Variants in H2AC25 observed in about 807,000 individuals in gnomAD.
The protein encoded by H2AC25 is H2A clustered histone 25.
chr1:228,457,431 G>T, the H2AC25 span: 6 of 1,613,912 alleles, frequency 3.7e-6, no homozygotes, highest in Non-Finnish European at 5.1e-6. Flanking sequence ...GGCCTCACTT[G>T]CCCTTGGCCT....
the H2AC25 span, chr1:228,457,830 G>A: frequency 7.0e-6 from 11 of 1,581,496 alleles, no homozygotes; most frequent in Admixed American, 3.9e-5. Flanking sequence ...CCGAGTCAAG[G>A]AAAAAAGACA....
the H2AC25 span, chr1:228,457,436 T>C: frequency 1.2e-6 from 2 of 1,614,056 alleles, no homozygotes; most frequent in Non-Finnish European, 1.7e-6. Flanking sequence ...CACTTGCCCT[T>C]GGCCTTGTGG....
chr1:228,457,653 C>T, the H2AC25 span: 169 of 1,613,836 alleles, frequency 1.0e-4, 1 homozygote, highest in East Asian at 1.7e-3. Flanking sequence ...AGTACTCGAG[C>T]ACCGCGGCCA....
the H2AC25 span, chr1:228,457,536 G>A: frequency 5.0e-6 from 8 of 1,614,108 alleles, no homozygotes; most frequent in Non-Finnish European, 6.8e-6. Flanking sequence ...GCAGCTTGTT[G>A]AGCTCCTCGT....
At chr1:228,457,614 G>A in the H2AC25 span, 3 of 1,613,928 alleles carry the variant, frequency 1.9e-6, no homozygotes, top group Non-Finnish European at 1.7e-6. Flanking sequence ...GCGCCGCGTT[G>A]CCGGCAAGCT....
the H2AC25 span, chr1:228,457,383 C>T: frequency 6.2e-7 from 1 of 1,610,906 alleles, no homozygotes; most frequent in African/African-American, 1.3e-5. Context: ...CTGAAAAGAG[C>T]CTTTATGTCC....
the H2AC25 span, chr1:228,457,812 G>A: frequency 3.6e-5 from 57 of 1,593,188 alleles, no homozygotes; most frequent in Middle Eastern, 1.7e-4. Flanking sequence ...TACCACGACC[G>A]GACATTTCCG....
At chr1:228,457,494 G>C in the H2AC25 span, 1 of 1,614,014 alleles carries the variant, frequency 6.2e-7, no homozygotes, top group Non-Finnish European at 8.5e-7. Flanking sequence ...TGTTGGGCAG[G>C]ACGCCACCCT....
chr1:228,457,812 G>T, the H2AC25 span: 1 of 1,593,310 alleles, frequency 6.3e-7, no homozygotes, highest in Admixed American at 1.8e-5. Flanking sequence ...TACCACGACC[G>T]GACATTTCCG....
At chr1:228,457,370 G>T in the H2AC25 span, 1 of 1,598,722 alleles carries the variant, frequency 6.3e-7, no homozygotes, top group Admixed American at 1.8e-5. Flanking sequence ...ATAGTAGGTG[G>T]CTCTGAAAAG....
the H2AC25 span, chr1:228,457,858 A>G: frequency 6.4e-7 from 1 of 1,570,446 alleles, no homozygotes; most frequent in Non-Finnish European, 8.6e-7. Context: ...CCGAAAAGCG[A>G]GACTAAAAAC....
chr1:228,457,421 G>C, the H2AC25 span: 1 of 1,613,786 alleles, frequency 6.2e-7, no homozygotes, highest in South Asian at 1.1e-5. Flanking sequence ...GGCGGCGGGC[G>C]GCCTCACTTG....
the H2AC25 span, chr1:228,457,593 CTTG>C: frequency 6.2e-6 from 10 of 1,613,934 alleles, no homozygotes; most frequent in Non-Finnish European, 6.8e-6. Flanking sequence ...TGCGCGTCTT[CTTG>C]TTGTCGCGCG....
the H2AC25 span, chr1:228,457,727 C>A: frequency 6.2e-7 from 1 of 1,612,806 alleles, no homozygotes; most frequent in Non-Finnish European, 8.5e-7. Context: ...AACCGGTGCA[C>A]GCGGCCCACG....
chr1:228,457,867 A>G, the H2AC25 span: 3 of 1,562,858 alleles, frequency 1.9e-6, no homozygotes, highest in South Asian at 1.2e-5. Flanking sequence ...GAGACTAAAA[A>G]CAAGAGGGCA....
At chr1:228,457,364 T>A in the H2AC25 span, 1 of 1,591,168 alleles carries the variant, frequency 6.3e-7, no homozygotes. Flanking sequence ...CTCGAGATAG[T>A]AGGTGGCTCT....
chr1:228,457,659 G>A, the H2AC25 span: 12 of 1,613,808 alleles, frequency 7.4e-6, no homozygotes, highest in Middle Eastern at 6.6e-4. Context: ...CGAGCACCGC[G>A]GCCAGATAGA....
At chr1:228,457,369 G>A in the H2AC25 span, 9 of 1,596,556 alleles carry the variant, frequency 5.6e-6, no homozygotes, top group Admixed American at 7.1e-5. Context: ...GATAGTAGGT[G>A]GCTCTGAAAA....
chr1:228,457,721 G>A, the H2AC25 span: 5 of 1,612,808 alleles, frequency 3.1e-6, no homozygotes, highest in South Asian at 1.1e-5. Flanking sequence ...CGGAGCAACC[G>A]GTGCACGCGG....
Sources: gnomAD v4.1 joint callset for allele counts on GRCh38, gnomAD v4.1.1 for gene constraint, MANE v1.5 for transcripts, NCBI Gene and HGNC (gene_info 2026-07-23, HGNC 2026-07-21) for gene names.